HYDIN: variants seen among roughly 807,000 people sequenced by gnomAD.
The protein encoded by HYDIN is axonemal central pair apparatus protein HYDIN.
HYDIN carries 132 observed loss-of-function variants against 403.9 expected under a neutral mutation model. The ratio of observed to expected loss-of-function variants is 0.33; its 90% CI spans 0.28 to 0.38. The LOEUF (loss-of-function observed/expected upper bound fraction) is 0.38, where lower values mean the gene tolerates loss of function less well. Among genes scored for constraint, HYDIN ranks in the 10% least tolerant of loss-of-function variants. The pLI is 1.00. For synonymous variants in HYDIN, 1,202 were observed against 1,891.7 expected (o/e 0.64, Z 9.46); for missense variants, 2,827 against 5,009.5 (o/e 0.56, Z 13.15).
At chr16:70,890,098 A>T (rs1449074956) in intron 57 of HYDIN, among the ~76,000 whole-genome samples, 1 of 152,240 alleles carries the variant, frequency 6.6e-6, no homozygotes, top group Non-Finnish European at 1.5e-5. Context: ...GTATCTTCAC[A>T]TTTATAGTTG....
At chr16:71,051,687 G>A (rs2081654478) in intron 18 of HYDIN, among the ~76,000 whole-genome samples, 1 of 150,172 alleles carries the variant, frequency 6.7e-6, no homozygotes, top group African/African-American at 2.5e-5. Flanking sequence ...AGAAACATTT[G>A]AGGCTTTTTC....
chr16:71,069,848 C>T (rs74025784), intron 13 of HYDIN, among the ~76,000 whole-genome samples: 54 of 152,284 alleles, frequency 3.5e-4, no homozygotes, highest in African/African-American at 1.2e-3. Flanking sequence ...AGTAGTCTTG[C>T]GGAAGTATAT....
intron 15 of HYDIN, among the ~76,000 whole-genome samples, chr16:71,065,060 A>G (rs1287654500): frequency 6.6e-6 from 1 of 152,238 alleles, no homozygotes; most frequent in Non-Finnish European, 1.5e-5. Flanking sequence ...GAACTCCTTG[A>G]AGAGCTGTCT....
At chr16:70,916,576 T>G (rs1161063187) in intron 47 of HYDIN, among the ~76,000 whole-genome samples, 1 of 152,208 alleles carries the variant, frequency 6.6e-6, no homozygotes, top group Non-Finnish European at 1.5e-5. Context: ...GATTTATTCC[T>G]GCAGTTGTTC....
At chr16:71,115,893 A>G (rs2084008473) in intron 9 of HYDIN, 98 bp from the exon 10 acceptor site, 2 of 686,680 alleles carry the variant, frequency 2.9e-6, no homozygotes, top group South Asian at 1.8e-5. Context: ...TTTTTTTTTC[A>G]TAAAATTGTA....
intron 28 of HYDIN, among the ~76,000 whole-genome samples, chr16:70,981,911 G>A (rs1011339544): frequency 7.9e-5 from 12 of 152,060 alleles, no homozygotes; most frequent in African/African-American, 2.7e-4. Context: ...GGTGGATCAC[G>A]AGGTCAGGAG....
intron 28 of HYDIN, among the ~76,000 whole-genome samples, chr16:70,983,807 T>A (rs2079107258): frequency 1.3e-5 from 2 of 151,290 alleles, no homozygotes; most frequent in African/African-American, 2.4e-5. Flanking sequence ...AAAAGAAAAA[T>A]ATATTTTAAA....
chr16:71,115,514 T>C (rs1037969944), intron 10 of HYDIN, among the ~76,000 whole-genome samples, 182 bp downstream of exon 10: 3 of 152,196 alleles, frequency 2.0e-5, no homozygotes, highest in Non-Finnish European at 2.9e-5. Flanking sequence ...TGATCTGTTA[T>C]AGGAAGAAGT....
intron 18 of HYDIN, among the ~76,000 whole-genome samples, chr16:71,054,101 C>T (rs1263042022): frequency 6.6e-6 from 1 of 152,256 alleles, no homozygotes; most frequent in East Asian, 1.9e-4. Flanking sequence ...GAGAACACAG[C>T]ACGTGCTAGG....
At chr16:70,887,976 C>A (rs1322787951) in intron 58 of HYDIN, among the ~76,000 whole-genome samples, 2 of 152,334 alleles carry the variant, frequency 1.3e-5, no homozygotes, top group East Asian at 1.9e-4. Flanking sequence ...AGCCACGGCG[C>A]CTGGCCCAAG....
chr16:70,882,931 G>C, intron 59 of HYDIN, 36 bp from the exon 60 acceptor site: 2 of 1,478,666 alleles, frequency 1.4e-6, no homozygotes, highest in Non-Finnish European at 1.9e-6. Context: ...GATGCTGCCT[G>C]ATTGCTGGAT....
At chr16:71,168,575 G>A (rs2086340643) in intron 5 of HYDIN, among the ~76,000 whole-genome samples, 1 of 151,372 alleles carries the variant, frequency 6.6e-6, no homozygotes. Context: ...CGGTAGGGTG[G>A]CTCAACAGTG....
intron 1 of HYDIN, among the ~76,000 whole-genome samples, chr16:71,205,190 A>T (rs988677626): frequency 1.3e-5 from 2 of 152,230 alleles, no homozygotes; most frequent in Non-Finnish European, 2.9e-5. Flanking sequence ...GAGGGAACAA[A>T]AAGGCCAATG....
chr16:70,879,428 G>T lies in HYDIN; in HGVS notation c.10426C>A (p.Arg3476=). The T allele has an allele frequency of 6.2e-7, 1 of 1,611,830 alleles. No individual in the cohort carries two copies. The highest frequency in any genetic ancestry group is 8.5e-7 in the Non-Finnish European group (1 of 1,178,598). The change falls in exon 62 of 86, where the codon CGA becomes AGA. Residue 3476 remains arginine, a synonymous_variant. Coordinates refer to ENST00000393567, the MANE Select transcript of HYDIN (RefSeq NM_001270974.2). ...FDIAGEGNLP[R]VTVVRPVLHN... ...AGAACTGGCCGCACAACCGTCACTC[G>T]AGGGAGGTTCCCCTCACCAGCGATG...
chr16:70,993,541 T>C (rs1164402531), intron 23 of HYDIN, among the ~76,000 whole-genome samples: 4 of 152,074 alleles, frequency 2.6e-5, no homozygotes, highest in Admixed American at 1.3e-4. Flanking sequence ...TTTGGAGCAG[T>C]ATTCCATAGT....
chr16:71,039,610 A>G (rs1181861901), intron 18 of HYDIN, among the ~76,000 whole-genome samples: 2 of 152,084 alleles, frequency 1.3e-5, no homozygotes, highest in Non-Finnish European at 2.9e-5. Context: ...GATGTTGGGG[A>G]TTACAGAGGG....
At chr16:70,849,517 A>G (rs1346202553) in intron 75 of HYDIN, among the ~76,000 whole-genome samples, 1 of 152,076 alleles carries the variant, frequency 6.6e-6, no homozygotes, top group East Asian at 1.9e-4. Flanking sequence ...GTATTACAAT[A>G]TAATTGCTTT....
chr16:70,893,614 G>A, intron 55 of HYDIN: 1 of 152,122 alleles, frequency 6.6e-6, no homozygotes. Flanking sequence ...ACCTCTCTGG[G>A]CTCAAGCGAT....
At chr16:71,023,086 T>C (rs1370845360) in intron 21 of HYDIN, among the ~76,000 whole-genome samples, 1 of 152,132 alleles carries the variant, frequency 6.6e-6, no homozygotes, top group Non-Finnish European at 1.5e-5. Flanking sequence ...TCAGGGAAAA[T>C]ACAATGCCAC....
Sources: allele counts gnomAD v4.1 joint callset (sites outside exome capture counted in the v4.1 genomes callset), GRCh38; gene constraint gnomAD v4.1.1; transcripts MANE v1.5; gene names NCBI Gene and HGNC (gene_info 2026-07-23, HGNC 2026-07-21).